Variants in LZTFL1 observed in about 807,000 individuals in gnomAD.
LZTFL1 encodes the protein leucine zipper transcription factor-like protein 1.
A neutral mutation model predicts 45.9 loss-of-function variants in LZTFL1; 25 were observed. The ratio of observed to expected loss-of-function variants is 0.54; its 90% CI spans 0.40 to 0.76. LZTFL1 has a LOEUF of 0.76. Ranked by LOEUF, LZTFL1 falls within the 30% of genes least tolerant of loss-of-function variation. The pLI is 0.00. For synonymous variants in LZTFL1, 93 were observed against 117.4 expected (o/e 0.79, Z 1.35); for missense variants, 277 against 331.1 (o/e 0.84, Z 1.27).
At chr3:45,863,834 G>A (rs138535151) in intron 2 of LZTFL1, among the ~76,000 whole-genome samples, 1 of 152,332 alleles carries the variant, frequency 6.6e-6, no homozygotes, top group East Asian at 1.9e-4. Context: ...GGTGCAATGT[G>A]TGGTCCAGGA....
intron 2 of LZTFL1, among the ~76,000 whole-genome samples, chr3:45,897,009 C>T (rs913287731): frequency 4.8e-4 from 73 of 152,296 alleles, no homozygotes; most frequent in African/African-American, 1.6e-3. Flanking sequence ...ACAACTGGGA[C>T]GCCTGGGCTG....
intron 4 of LZTFL1, among the ~76,000 whole-genome samples, chr3:45,847,217 G>T (rs1701232039): frequency 6.6e-6 from 1 of 152,034 alleles, no homozygotes; most frequent in African/African-American, 2.4e-5. Context: ...CTCTTTCATG[G>T]TTTCCTTGTT....
In LZTFL1 at chr3:45,881,884, T is replaced by C. The variant is rs181032812; in HGVS notation, c.-214-22868A>G. On this transcript the variant is annotated intron_variant, in intron 2 of 4. Coordinates refer to the LZTFL1 transcript ENST00000472635. ...GAGCCGAGGTAGAAATATTAGCTGC[T>C]GAATAGCAGGTTGGTCTGGACCTGT... Among the ~76,000 whole-genome samples, 5 of 152,364 alleles carry C rather than the reference T, an allele frequency of 3.3e-5. 1 individual carries two copies. The East Asian group carries it at 9.6e-4, about 29-fold the overall frequency.
chr3:45,883,615 A>G, intron 2 of LZTFL1: 1 of 373,702 alleles, frequency 2.7e-6, no homozygotes, highest in African/African-American at 2.1e-5. Flanking sequence ...TTAATTCTTC[A>G]AAGTATAAGT....
intron 2 of LZTFL1, among the ~76,000 whole-genome samples, chr3:45,908,064 A>C (rs1332024698): frequency 6.6e-6 from 1 of 152,202 alleles, no homozygotes; most frequent in African/African-American, 2.4e-5. Flanking sequence ...CAGGGGAGAA[A>C]GGAGCAACAG....
intron 2 of LZTFL1, among the ~76,000 whole-genome samples, chr3:45,862,098 T>C (rs928024549): frequency 6.6e-6 from 1 of 152,220 alleles, no homozygotes; most frequent in Admixed American, 6.5e-5. Flanking sequence ...GAGCACCTGA[T>C]ATATATGTGA....
intron 2 of LZTFL1, among the ~76,000 whole-genome samples, chr3:45,886,080 T>C (rs982260977): frequency 3.9e-5 from 6 of 152,200 alleles, no homozygotes; most frequent in African/African-American, 1.2e-4. Flanking sequence ...GCTACTGTGT[T>C]GGATAGCACA....
chr3:45,853,818 C>A (rs765810188), intron 4 of LZTFL1, among the ~76,000 whole-genome samples: 1 of 152,162 alleles, frequency 6.6e-6, no homozygotes, highest in Admixed American at 6.6e-5. Flanking sequence ...CTAAACCAAC[C>A]CTTTCTTTGT....
rs2125671878 is a variant in LZTFL1, at chr3:45,824,848, C to A, written c.*1466G>T. On this transcript the variant is annotated 3_prime_UTR_variant, in exon 10 of 10. Transcript: ENST00000296135. ...GCCCTCAACAAAAGCTCCAAAAGGG[C>A]ACAGAAACTGGTAAGTGACCTAAAT... 2.5e-6 allele frequency: 1 copy of A among 398,326 alleles called. No homozygotes were observed. The highest frequency in any genetic ancestry group is 4.4e-6 in the Non-Finnish European group (1 of 225,922). The allele number at this position is 398,326 out of a possible 1,614,324, so 24.7% of individuals were successfully genotyped here.
upstream of LZTFL1, among the ~76,000 whole-genome samples, chr3:45,844,921 T>A (rs1404141821): frequency 6.6e-6 from 1 of 152,200 alleles, no homozygotes; most frequent in Non-Finnish European, 1.5e-5. Flanking sequence ...TCTAAGAATG[T>A]GTGGATGTTG....
chr3:45,849,057 C>T (rs774499877), intron 4 of LZTFL1, among the ~76,000 whole-genome samples: 3 of 152,162 alleles, frequency 2.0e-5, no homozygotes, highest in Non-Finnish European at 2.9e-5. Context: ...AAGTGTCTAT[C>T]GGTTGTTGGG....
At chr3:45,877,319 C>T (rs180690397) in intron 2 of LZTFL1, among the ~76,000 whole-genome samples, 97 of 151,510 alleles carry the variant, frequency 6.4e-4, no homozygotes, top group Middle Eastern at 6.8e-3. Flanking sequence ...CCACAACCTC[C>T]GCCTCCCAGG....
chr3:45,828,365 C>T (rs1700722913), intron 8 of LZTFL1, 74 bp downstream of exon 8: 1 of 1,283,724 alleles, frequency 7.8e-7, no homozygotes, highest in African/African-American at 1.5e-5. Flanking sequence ...TTTATCTTAG[C>T]CACATGTATT....
intron 2 of LZTFL1, among the ~76,000 whole-genome samples, chr3:45,876,058 A>G (rs1701745331): frequency 6.6e-6 from 1 of 152,230 alleles, no homozygotes; most frequent in African/African-American, 2.4e-5. Flanking sequence ...TTATCAACTT[A>G]TTACGGGATT....
intron 4 of LZTFL1, among the ~76,000 whole-genome samples, chr3:45,850,803 C>T: frequency 6.6e-6 from 1 of 152,132 alleles, no homozygotes; most frequent in East Asian, 1.9e-4. Context: ...TTGAGTGAAG[C>T]CAGCCGCTCA....
At chr3:45,849,636 C>T (rs536858157) in intron 4 of LZTFL1, among the ~76,000 whole-genome samples, 4 of 152,254 alleles carry the variant, frequency 2.6e-5, no homozygotes, top group African/African-American at 4.8e-5. Flanking sequence ...GACTTCCACC[C>T]GGTCAGCCTG....
At chr3:45,891,210 C>T (rs1702170342) in intron 2 of LZTFL1, among the ~76,000 whole-genome samples, 1 of 152,208 alleles carries the variant, frequency 6.6e-6, no homozygotes, top group South Asian at 2.1e-4. Flanking sequence ...CGGCCGGAGG[C>T]TGGGGCTACT....
intron 3 of LZTFL1, among the ~76,000 whole-genome samples, chr3:45,856,112 A>T (rs1212769053): frequency 6.6e-6 from 1 of 152,358 alleles, no homozygotes; most frequent in East Asian, 1.9e-4. Context: ...GGCAAAAAGA[A>T]CAAAGCTGGA....
chr3:45,847,003 C>T (rs186690763), upstream of LZTFL1, among the ~76,000 whole-genome samples: 37 of 152,306 alleles, frequency 2.4e-4, no homozygotes, highest in East Asian at 7.1e-3. Context: ...TGAAACCATT[C>T]TTCCAGATTG....
Sources: allele counts gnomAD v4.1 joint callset (sites outside exome capture counted in the v4.1 genomes callset), GRCh38; gene constraint gnomAD v4.1.1; transcripts MANE v1.5; gene names NCBI Gene and HGNC (gene_info 2026-07-23, HGNC 2026-07-21).